The following SEMA5B variants were observed in gnomAD, a reference collection of about 807,000 sequenced individuals.
SEMA5B encodes the protein semaphorin-5B.
A neutral mutation model predicts 135.0 loss-of-function variants in SEMA5B; 66 were observed. That is an observed-to-expected ratio of 0.49 (90% CI 0.40 to 0.60). SEMA5B has a LOEUF of 0.60. Among genes scored for constraint, SEMA5B ranks in the 20% least tolerant of loss-of-function variants. The pLI is 0.00. For synonymous variants in SEMA5B, 690 were observed against 639.5 expected (o/e 1.08, Z -1.19); for missense variants, 1,501 against 1,566.3 (o/e 0.96, Z 0.70).
At chr3:122,985,580 G>A (rs2107697048) in intron 1 of SEMA5B, among the ~76,000 whole-genome samples, 1 of 152,244 alleles carries the variant, frequency 6.6e-6, no homozygotes, top group East Asian at 1.9e-4. Flanking sequence ...CTGGATCTAG[G>A]ATTTGGAGGC....
intron 6 of SEMA5B, 66 bp from the exon 7 acceptor site, chr3:122,928,681 C>T (rs1322570546): frequency 4.3e-6 from 5 of 1,160,388 alleles, no homozygotes; most frequent in Non-Finnish European, 6.2e-6. Context: ...ATCTCACGCT[C>T]ACACCACTGC....
intron 1 of SEMA5B, among the ~76,000 whole-genome samples, chr3:122,996,288 C>T (rs971931833): frequency 2.0e-4 from 30 of 152,370 alleles, no homozygotes; most frequent in Middle Eastern, 6.8e-3. Context: ...GTCTGGGCCC[C>T]GGGATCTGGG....
intron 1 of SEMA5B, 190 bp downstream of exon 1, chr3:123,027,274 G>C (rs374373919): frequency 5.9e-5 from 9 of 152,500 alleles, no homozygotes; most frequent in African/African-American, 2.2e-4. Context: ...CTCTCAAGCC[G>C]AGGTGGCAGC....
intron 3 of SEMA5B, among the ~76,000 whole-genome samples, chr3:122,946,625 A>G (rs1228306449): frequency 6.6e-6 from 1 of 152,188 alleles, no homozygotes; most frequent in Admixed American, 6.5e-5. Flanking sequence ...GTCCTGGTCC[A>G]GGACCAGAAC....
chr3:122,974,879 C>T (rs577217601), intron 1 of SEMA5B, among the ~76,000 whole-genome samples: 1 of 152,164 alleles, frequency 6.6e-6, no homozygotes, highest in Non-Finnish European at 1.5e-5. Context: ...AACAGGCTTA[C>T]TATTTGCAGG....
chr3:123,013,729 C>A (rs546388632), intron 1 of SEMA5B, among the ~76,000 whole-genome samples: 1 of 152,340 alleles, frequency 6.6e-6, no homozygotes, highest in Non-Finnish European at 1.5e-5. Flanking sequence ...GCATTCCCAT[C>A]CAGCCTCTGG....
chr3:122,964,748 G>A (rs1190062279), intron 1 of SEMA5B, among the ~76,000 whole-genome samples: 1 of 152,144 alleles, frequency 6.6e-6, no homozygotes, highest in Non-Finnish European at 1.5e-5. Flanking sequence ...GAGTTCTTTA[G>A]CTTCAAACTC....
intron 1 of SEMA5B, among the ~76,000 whole-genome samples, chr3:122,973,281 G>A (rs1482229181): frequency 1.3e-5 from 2 of 152,206 alleles, no homozygotes; most frequent in African/African-American, 4.8e-5. Context: ...GGTGCCAAGT[G>A]GCCCTGGGCC....
In SEMA5B at chr3:122,909,987, C is replaced by T; in HGVS notation, c.*156G>A. ...CCCTTTCCCCCATGGTCAATGCCAG[C>T]CAGAGCTCTCTGAAGCCGGATGGGA... On this transcript the variant is annotated 3_prime_UTR_variant, in exon 23 of 23. Coordinates refer to ENST00000357599, the MANE Select transcript of SEMA5B (RefSeq NM_001031702.4). The T allele has an allele frequency of 1.3e-6, 1 of 748,384 alleles. No individual in the cohort carries two copies. The highest frequency in any genetic ancestry group is 2.9e-5 in the Admixed American group (1 of 34,426). 46.4% of individuals were successfully genotyped at this position (748,384 alleles called of 1,614,324 possible). A position where few individuals can be genotyped will look rare whatever the true frequency, so the allele number is the denominator to read the frequency against.
rs575066210 is a variant in SEMA5B at position 122,967,414 on chromosome 3, GC to G, written c.-38-6114del. Among the ~76,000 whole-genome samples the G allele has an allele frequency of 1.1e-3, 172 of 152,330 alleles. 1 individual carries two copies. Among genetic ancestry groups the G allele is most frequent in the African/African-American group, 3.9e-3 (163 of 41,584 alleles). On this transcript the variant is annotated intron_variant, in intron 1 of 22. Transcript: ENST00000357599. ...TCCTAGGAGAGAAAGAGTAGCAGGT[GC>G]TGTTGGTGCCTGCCCCATTTGTGGG...
At position 122,915,782 on chromosome 3, in the gene SEMA5B, G is replaced by A. The variant is rs187567378; in HGVS notation, c.1797C>T (p.Thr599=). Residue 599 remains threonine, a synonymous_variant, in exon 13 of 23, where the codon ACC becomes ACT. Coordinates refer to ENST00000357599, the MANE Select transcript of SEMA5B (RefSeq NM_001031702.4). ...SNMSLWTQNI[T]ACPVRNVTRD... ...ACAAGGGGATTCTCACAGGACAGGC[G>A]GTGATGTTCTGGGTCCAGAGGCTCA... 6.3e-5 allele frequency: 102 copies of A among 1,613,874 alleles called. No homozygotes were observed. In the Admixed American group the frequency reaches 7.3e-4, roughly 12 times the overall value.
intron 1 of SEMA5B, among the ~76,000 whole-genome samples, chr3:122,995,761 T>C (rs1394245563): frequency 6.6e-6 from 1 of 152,226 alleles, no homozygotes; most frequent in African/African-American, 2.4e-5. Context: ...GCTGGTCTTC[T>C]CTGGCCCACT....
intron 1 of SEMA5B, among the ~76,000 whole-genome samples, chr3:123,004,662 T>G (rs552080353): frequency 2.0e-5 from 3 of 152,314 alleles, no homozygotes; most frequent in East Asian, 3.9e-4. Context: ...GGAGTTAAGG[T>G]GCAGACTGCA....
chr3:123,004,231 C>A (rs1942250324), intron 1 of SEMA5B, among the ~76,000 whole-genome samples: 1 of 152,168 alleles, frequency 6.6e-6, no homozygotes, highest in East Asian at 1.9e-4. Flanking sequence ...ATTTTCCAAG[C>A]CCATATAAGA....
chr3:122,963,694 G>A (rs1314020734), intron 1 of SEMA5B, among the ~76,000 whole-genome samples: 5 of 152,122 alleles, frequency 3.3e-5, no homozygotes, highest in South Asian at 2.1e-4. Context: ...ACGGGGCATC[G>A]GGAGGAGCAG....
chr3:123,008,314 T>C (rs1353568488), intron 1 of SEMA5B, among the ~76,000 whole-genome samples: 3 of 152,264 alleles, frequency 2.0e-5, no homozygotes, highest in African/African-American at 4.8e-5. Context: ...CTATCTCCCC[T>C]GCTTAGAATA....
chr3:123,004,083 C>T (rs6777898), intron 1 of SEMA5B, among the ~76,000 whole-genome samples: 27,430 of 152,142 alleles, frequency 0.18, 4,439 homozygotes, highest in African/African-American at 0.44. Context: ...AAACAGCATA[C>T]GTACCCTTAA....
intron 10 of SEMA5B, 56 bp downstream of exon 10, chr3:122,923,561 G>A: frequency 1.2e-6 from 2 of 1,600,660 alleles, no homozygotes; most frequent in South Asian, 1.1e-5. Flanking sequence ...CTTGTGGCTG[G>A]TAATCTGGGG....
At chr3:122,935,686 C>CTTTCTTTTTTTTTTATTTTTTTTTTT (rs1939233868) in intron 5 of SEMA5B, among the ~76,000 whole-genome samples, 1 of 70,260 alleles carries the variant, frequency 1.4e-5, no homozygotes, top group Non-Finnish European at 2.7e-5. Context: ...TTCTTTCTTT[C>CTTTCTTTTTTTTTTATTTTTTTTTTT]TTTTTTTTTT....
Sources: gnomAD v4.1 joint callset for allele counts (sites outside exome capture counted in the v4.1 genomes callset) on GRCh38, gnomAD v4.1.1 for gene constraint, MANE v1.5 for transcripts, NCBI Gene and HGNC (gene_info 2026-07-23, HGNC 2026-07-21) for gene names.